Variants in SBF2 observed in about 807,000 individuals in gnomAD.
SBF2 encodes the protein SET binding factor 2, also known as myotubularin-related protein 13.
SBF2 carries 112 observed loss-of-function variants against 225.2 expected under a neutral mutation model. The observed-to-expected ratio is 0.50, with a 90% confidence interval of 0.43 to 0.58. SBF2 has a LOEUF of 0.58. Among genes scored for constraint, SBF2 ranks in the 20% least tolerant of loss-of-function variants. The pLI is 0.00. For missense variants in SBF2, 1,996 were observed against 2,206.2 expected (o/e 0.90, Z 1.91); for synonymous variants, 763 against 773.3 (o/e 0.99, Z 0.22).
At chr11:10,218,329 C>A (rs965286072) in intron 1 of SBF2, among the ~76,000 whole-genome samples, 9 of 104,852 alleles carry the variant, frequency 8.6e-5, no homozygotes, top group Admixed American at 1.9e-4. Flanking sequence ...CACCCCCCCC[C>A]CCACCCAATG....
intron 13 of SBF2, among the ~76,000 whole-genome samples, chr11:9,981,330 T>C (rs1025026331): frequency 2.6e-5 from 4 of 151,320 alleles, no homozygotes; most frequent in African/African-American, 9.7e-5. Context: ...GGGAAAGGGG[T>C]GAAAAGTGAC....
At chr11:10,164,164 CCA>C in intron 2 of SBF2, among the ~76,000 whole-genome samples, 1 of 152,308 alleles carries the variant, frequency 6.6e-6, no homozygotes, top group Non-Finnish European at 1.5e-5. Context: ...CTTGGATATT[CCA>C]CAGTCAAAAA....
chr11:9,818,704 G>C (rs959289735), intron 28 of SBF2, among the ~76,000 whole-genome samples: 1 of 152,090 alleles, frequency 6.6e-6, no homozygotes, highest in Non-Finnish European at 1.5e-5. Flanking sequence ...AGTTTTTATT[G>C]GTCATTTCAG....
chr11:10,248,783 T>C (rs764289528), intron 1 of SBF2, among the ~76,000 whole-genome samples: 1 of 152,206 alleles, frequency 6.6e-6, no homozygotes, highest in Non-Finnish European at 1.5e-5. Flanking sequence ...GTGGAAATTC[T>C]GTAAAAATTA....
At chr11:10,081,731 G>T (rs1680693843) in intron 2 of SBF2, among the ~76,000 whole-genome samples, 1 of 144,322 alleles carries the variant, frequency 6.9e-6, no homozygotes, top group Non-Finnish European at 1.5e-5. Flanking sequence ...CTGCACTCCA[G>T]CCTGACCCAC....
intron 2 of SBF2, among the ~76,000 whole-genome samples, chr11:10,106,331 C>CA (rs1412747672): frequency 6.6e-6 from 1 of 151,792 alleles, no homozygotes; most frequent in East Asian, 1.9e-4. Flanking sequence ...AGATACACAC[C>CA]AAAAAACACA....
At chr11:10,300,398 G>C (rs1284787092) in intron 1 of SBF2, among the ~76,000 whole-genome samples, 2 of 152,090 alleles carry the variant, frequency 1.3e-5, no homozygotes, top group Non-Finnish European at 2.9e-5. Context: ...GAGCACAGTG[G>C]CTCATACCTG....
chr11:10,270,219 C>A (rs913665185), intron 1 of SBF2, among the ~76,000 whole-genome samples: 4 of 152,004 alleles, frequency 2.6e-5, no homozygotes, highest in South Asian at 4.1e-4. Context: ...ATGCACCAAC[C>A]CCTGTGCAGT....
intron 13 of SBF2, among the ~76,000 whole-genome samples, chr11:9,972,139 T>C (rs1336813971): frequency 3.3e-5 from 5 of 152,168 alleles, no homozygotes; most frequent in Non-Finnish European, 5.9e-5. Context: ...GCAGTGTCAA[T>C]TCACTTACCC....
intron 33 of SBF2, 115 bp from the exon 34 acceptor site, chr11:9,790,798 A>T: frequency 1.3e-6 from 1 of 796,712 alleles, no homozygotes; most frequent in East Asian, 2.6e-5. Context: ...CTTTAAAAAC[A>T]GCAACATTTG....
chr11:10,265,527 G>T, intron 1 of SBF2, among the ~76,000 whole-genome samples: 1 of 150,728 alleles, frequency 6.6e-6, no homozygotes, highest in Admixed American at 6.6e-5. Flanking sequence ...TATCAACACA[G>T]GGTATCTTTT....
At chr11:10,276,955 G>A (rs191229619) in intron 1 of SBF2, among the ~76,000 whole-genome samples, 4 of 152,150 alleles carry the variant, frequency 2.6e-5, no homozygotes, top group Middle Eastern at 3.4e-3. Context: ...AAACAGGCTC[G>A]GTACAATGGC....
intron 12 of SBF2, 123 bp from the exon 13 acceptor site, chr11:9,989,718 A>C: frequency 1.6e-6 from 1 of 643,816 alleles, no homozygotes; most frequent in South Asian, 2.0e-5. Context: ...TTAAAACAAA[A>C]TATTTCAGGT....
At position 9,962,018 on chromosome 11, in the gene SBF2, C is replaced by T. The variant is rs185968327; in HGVS notation, c.1799G>A (p.Arg600Gln). 4.1e-5 allele frequency: 66 copies of T among 1,613,966 alleles called. No individual in the cohort carries two copies. Among genetic ancestry groups the T allele is most frequent in the Non-Finnish European group, 4.8e-5 (57 of 1,179,878 alleles). The change falls in exon 16 of 40, where the codon CGG (arginine) becomes CAG (glutamine). Residue 600 changes from arginine to glutamine, a missense_variant. Physicochemically the swap from Arg to Gln is conservative, Grantham distance 43 (BLOSUM62 1). Coordinates refer to ENST00000256190, the MANE Select transcript of SBF2 (RefSeq NM_030962.4). ...DELGLHVQQN[R>Q]AILDHQQFDY... ...AAACTGTTGATGGTCTAATATTGCCCGGTTTTGCTGGACATGCAAACCCAA... is the reference window on the plus strand; with the variant it reads ...AAACTGTTGATGGTCTAATATTGCCTGGTTTTGCTGGACATGCAAACCCAA...
intron 2 of SBF2, among the ~76,000 whole-genome samples, chr11:10,108,569 G>C (rs543467218): frequency 7.5e-6 from 1 of 132,976 alleles, no homozygotes; most frequent in South Asian, 2.3e-4. Flanking sequence ...CTGTCGCCCA[G>C]GCTGGAGTGC....
At position 10,014,046 on chromosome 11, in the gene SBF2, G is replaced by A. The variant is rs1241568098; in HGVS notation, c.620-11357C>T. ...TTAGTTCCTGTGTCCTTGAGACAGAGCTCTTTTATTTTTCCAGGCTCATAT... is the reference window on the plus strand; with the variant it reads ...TTAGTTCCTGTGTCCTTGAGACAGAACTCTTTTATTTTTCCAGGCTCATAT... On this transcript the variant is annotated intron_variant, in intron 6 of 39. Transcript: ENST00000256190. 2.6e-5 allele frequency among the ~76,000 whole-genome samples: 4 copies of A among 152,142 alleles called. No homozygotes were observed. The East Asian group carries it at 7.7e-4, about 29-fold the overall frequency.
At chr11:9,799,882 C>T (rs1438661146) in intron 32 of SBF2, among the ~76,000 whole-genome samples, 4 of 152,220 alleles carry the variant, frequency 2.6e-5, no homozygotes, top group Admixed American at 1.3e-4. Flanking sequence ...ATGATGTCAA[C>T]TTTTCATGTG....
intron 1 of SBF2, among the ~76,000 whole-genome samples, chr11:10,264,661 T>C (rs1247244202): frequency 1.3e-5 from 2 of 152,204 alleles, no homozygotes; most frequent in Non-Finnish European, 2.9e-5. Context: ...GTTATATACA[T>C]GCTACGATGG....
intron 1 of SBF2, among the ~76,000 whole-genome samples, chr11:10,263,189 AAAATCAGCACAAT>A (rs1436748176): frequency 6.6e-6 from 1 of 152,110 alleles, no homozygotes; most frequent in Non-Finnish European, 1.5e-5. Flanking sequence ...TTAAATAAAA[AAAATCAGCACAAT>A]AAATCAACAT....
Sources: allele counts gnomAD v4.1 joint callset (sites outside exome capture counted in the v4.1 genomes callset), GRCh38; gene constraint gnomAD v4.1.1; transcripts MANE v1.5; gene names NCBI Gene and HGNC (gene_info 2026-07-23, HGNC 2026-07-21).